EMC2: variants seen among roughly 807,000 people sequenced by gnomAD.
The protein encoded by EMC2 is TPR repeat protein 35.
A neutral mutation model predicts 51.6 loss-of-function variants in EMC2; 37 were observed. The ratio of observed to expected loss-of-function variants is 0.72; its 90% CI spans 0.55 to 0.94. The LOEUF (loss-of-function observed/expected upper bound fraction) is 0.94, where lower values mean the gene tolerates loss of function less well. Ranked by LOEUF, EMC2 falls within the 40% of genes least tolerant of loss-of-function variation. EMC2 has a pLI of 0.00. For synonymous variants in EMC2, 131 were observed against 112.4 expected, an observed-to-expected ratio of 1.17 and a Z score of -1.04; for missense variants, 359 against 350.9, an observed-to-expected ratio of 1.02 and a Z score of -0.18.
At chr8:108,474,104 T>C (rs1810906294) in intron 7 of EMC2, 1 of 151,986 alleles carries the variant, frequency 6.6e-6, no homozygotes, top group Non-Finnish European at 1.5e-5. Context: ...TTTATAAAAT[T>C]GGGGGAAGGA....
At chr8:108,481,071 G>T (rs1285713095) in intron 10 of EMC2, among the ~76,000 whole-genome samples, 1 of 151,946 alleles carries the variant, frequency 6.6e-6, no homozygotes, top group African/African-American at 2.4e-5. Context: ...TCTTTTGTTG[G>T]TCATGCTGCT....
At chr8:108,481,775 T>C (rs979856790) in intron 10 of EMC2, among the ~76,000 whole-genome samples, 7 of 152,190 alleles carry the variant, frequency 4.6e-5, no homozygotes, top group South Asian at 2.1e-4. Flanking sequence ...TACTCACTTA[T>C]AACCCTATAG....
At chr8:108,449,275 CTTTT>C (rs71303983) in intron 1 of EMC2, among the ~76,000 whole-genome samples, 3 of 128,902 alleles carry the variant, frequency 2.3e-5, no homozygotes, top group Non-Finnish European at 3.3e-5. Context: ...ACCATGCTGC[CTTTT>C]TTTTTTTTTT....
chr8:108,476,725 T>A, intron 8 of EMC2, 57 bp from the exon 9 acceptor site: 1 of 777,872 alleles, frequency 1.3e-6, no homozygotes, highest in Non-Finnish European at 2.3e-6. Context: ...GATGAAACCA[T>A]GCTATATTTC....
chr8:108,465,717 T>C (rs1433406843), intron 5 of EMC2, among the ~76,000 whole-genome samples: 2 of 152,218 alleles, frequency 1.3e-5, no homozygotes, highest in East Asian at 1.9e-4. Flanking sequence ...TGAATTGATA[T>C]TGGCTAAAAA....
At chr8:108,452,944 G>A (rs1345146332) in intron 3 of EMC2, 118 bp from the exon 4 acceptor site, 1 of 464,018 alleles carries the variant, frequency 2.2e-6, no homozygotes, top group East Asian at 3.5e-5. Context: ...TTCACTTCAT[G>A]TTATTAGATG....
intron 7 of EMC2, chr8:108,475,074 G>A (rs752573141): frequency 2.0e-5 from 3 of 151,800 alleles, no homozygotes; most frequent in Non-Finnish European, 4.4e-5. Flanking sequence ...CTTTTTGTTG[G>A]GTAGTGTCAT....
chr8:108,479,152 G>A (rs887646172), intron 10 of EMC2, 42 bp downstream of exon 10: 6 of 1,173,942 alleles, frequency 5.1e-6, no homozygotes, highest in African/African-American at 4.7e-5. Context: ...GTCAGTTAAT[G>A]TATTTCTTAG....
At chr8:108,462,637 G>T (rs1229137283) in intron 5 of EMC2, among the ~76,000 whole-genome samples, 1 of 152,082 alleles carries the variant, frequency 6.6e-6, no homozygotes, top group African/African-American at 2.4e-5. Context: ...CTGCCACGTG[G>T]TATATTATCA....
chr8:108,465,680 A>G (rs1303131029), intron 5 of EMC2, among the ~76,000 whole-genome samples: 2 of 152,232 alleles, frequency 1.3e-5, no homozygotes, highest in African/African-American at 4.8e-5. Context: ...TATTCAGAAC[A>G]TCGATTAAGG....
At chr8:108,481,755 TCCTTA>T (rs1811048171) in intron 10 of EMC2, among the ~76,000 whole-genome samples, 1 of 152,130 alleles carries the variant, frequency 6.6e-6, no homozygotes, top group Admixed American at 6.6e-5. Context: ...CCTTTTGTAT[TCCTTA>T]AGAGTACTCA....
At chr8:108,445,302 C>T (rs1220943508) in intron 1 of EMC2, among the ~76,000 whole-genome samples, 5 of 152,126 alleles carry the variant, frequency 3.3e-5, no homozygotes, top group Non-Finnish European at 7.4e-5. Flanking sequence ...ATGATTATGT[C>T]CTTCCTCTGT....
chr8:108,468,144 A>G (rs1022888780), intron 5 of EMC2, among the ~76,000 whole-genome samples: 2 of 152,224 alleles, frequency 1.3e-5, no homozygotes, highest in Non-Finnish European at 2.9e-5. Context: ...GTGAAATCAG[A>G]TATTAAATGG....
Position 108,488,844 on chromosome 8 carries a change from T to C in EMC2, c.*2246T>C, listed in dbSNP as rs1343206597. Among the ~76,000 whole-genome samples, 20 of 152,226 alleles carry C rather than the reference T, an allele frequency of 1.3e-4. No homozygotes were observed. The highest frequency in any genetic ancestry group is 1.3e-3 in the Admixed American group (20 of 15,272). On this transcript the variant is annotated 3_prime_UTR_variant, in exon 11 of 11. Coordinates refer to ENST00000220853, the MANE Select transcript of EMC2 (RefSeq NM_014673.5). ...TGGTAGCTACTAACCATATGTGATATTGAGTACTTGATATGTGACTACTGC... is the reference window on the plus strand; with the variant it reads ...TGGTAGCTACTAACCATATGTGATACTGAGTACTTGATATGTGACTACTGC...
At chr8:108,480,302 AT>A (rs1811023186) in intron 10 of EMC2, among the ~76,000 whole-genome samples, 1 of 151,594 alleles carries the variant, frequency 6.6e-6, no homozygotes, top group South Asian at 2.1e-4. Context: ...TCTTTCCTCC[AT>A]GTTTAAATGA....
chr8:108,467,384 T>C (rs1023371957), intron 5 of EMC2, among the ~76,000 whole-genome samples: 1 of 152,004 alleles, frequency 6.6e-6, no homozygotes, highest in African/African-American at 2.4e-5. Flanking sequence ...AGTCTCGCTC[T>C]GTCGCCCAGG....
chr8:108,484,135 TCA>T lies in EMC2; in HGVS notation c.808-2374_808-2373del, dbSNP rs1178602319. Among the ~76,000 whole-genome samples the T allele has an allele frequency of 1.1e-4, 16 of 152,254 alleles. No individual in the cohort carries two copies. In the East Asian group the frequency reaches 3.1e-3, roughly 29 times the overall value. On this transcript the variant is annotated intron_variant, in intron 10 of 10. Coordinates refer to ENST00000220853, the MANE Select transcript of EMC2 (RefSeq NM_014673.5). ...ATGAAAAACTTTAATGTGAACCTAC[TCA>T]CAATGATTTTCCAGATAAATCCTTC...
intron 1 of EMC2, chr8:108,446,325 G>A: frequency 4.8e-6 from 2 of 417,404 alleles, no homozygotes; most frequent in Non-Finnish European, 9.7e-6. Flanking sequence ...GGTATCTTAA[G>A]AATTTACATT....
intron 1 of EMC2, among the ~76,000 whole-genome samples, chr8:108,448,785 T>C (rs925513269): frequency 9.2e-5 from 14 of 152,160 alleles, no homozygotes; most frequent in Non-Finnish European, 1.8e-4. Flanking sequence ...CTGGGGCTTT[T>C]TGTTTTGGTT....
Sources: gnomAD v4.1 joint callset for allele counts (sites outside exome capture counted in the v4.1 genomes callset) on GRCh38, gnomAD v4.1.1 for gene constraint, MANE v1.5 for transcripts, NCBI Gene and HGNC (gene_info 2026-07-23, HGNC 2026-07-21) for gene names.